The following HSP90AA1 variants were observed in gnomAD, a reference collection of about 807,000 sequenced individuals.
HSP90AA1 encodes heat shock protein HSP 90-alpha.
HSP90AA1 carries 18 observed loss-of-function variants against 73.3 expected under a neutral mutation model. The observed-to-expected ratio is 0.25, with a 90% CI of 0.17 to 0.36. The LOEUF is 0.36. Among genes scored for constraint, HSP90AA1 ranks in the 10% least tolerant of loss-of-function variants. HSP90AA1 has a pLI of 1.00. For synonymous variants in HSP90AA1, 477 were observed against 296.9 expected, an observed-to-expected ratio of 1.61 and a Z score of -6.24; for missense variants, 704 against 874.2, an observed-to-expected ratio of 0.81 and a Z score of 2.45.
At chr14:102,088,710 C>A (rs1013737076), upstream of HSP90AA1, among the ~76,000 whole-genome samples, 3 of 152,018 alleles carry the variant, frequency 2.0e-5, no homozygotes, top group African/African-American at 7.3e-5. Flanking sequence ...GAGCGGTGAG[C>A]GGGTCGCTGA....
At chr14:102,107,142 C>A (rs1460845781) in intron 1 of HSP90AA1, among the ~76,000 whole-genome samples, 1 of 151,938 alleles carries the variant, frequency 6.6e-6, no homozygotes, top group Non-Finnish European at 1.5e-5. Flanking sequence ...TTCAACTAAG[C>A]CTATGGCCAG....
Position 102,086,475 on chromosome 14 carries a change from G to A in HSP90AA1, c.1-97C>T, listed in dbSNP as rs1177725728. 30 of 1,392,766 alleles carry A rather than the reference G, an allele frequency of 2.2e-5. No individual in the cohort carries two copies. The Middle Eastern group carries it at 5.3e-4, about 24-fold the overall frequency. The allele number at this position is 1,392,766 out of a possible 1,614,324, so 86.3% of individuals were successfully genotyped here. A position where few individuals can be genotyped will look rare whatever the true frequency, so the allele number is the denominator to read the frequency against. ...CTCCAAATATTTTTAAAGCCGAATTGGAGATTTGCGAAGTTTAAGTAAACC... is the reference window on the plus strand; with the variant it reads ...CTCCAAATATTTTTAAAGCCGAATTAGAGATTTGCGAAGTTTAAGTAAACC... On this transcript the variant is annotated intron_variant, in intron 1 of 10. Coordinates refer to ENST00000216281, the MANE Select transcript of HSP90AA1 (RefSeq NM_005348.4).
At chr14:102,100,988 T>A (rs2049485659) in intron 2 of HSP90AA1, among the ~76,000 whole-genome samples, 1 of 152,170 alleles carries the variant, frequency 6.6e-6, no homozygotes, top group Non-Finnish European at 1.5e-5. Context: ...CTAGTCAGTA[T>A]TTTAGTACCT....
upstream of HSP90AA1, among the ~76,000 whole-genome samples, chr14:102,091,448 C>T (rs1342882979): frequency 6.6e-6 from 1 of 151,946 alleles, no homozygotes; most frequent in African/African-American, 2.4e-5. Context: ...CATGGTGAAA[C>T]CCCATCTCTA....
intron 1 of HSP90AA1, among the ~76,000 whole-genome samples, chr14:102,122,943 T>C (rs1188688922): frequency 1.3e-5 from 2 of 152,066 alleles, no homozygotes. Context: ...GCTGGGATTA[T>C]AGGCATGAGC....
intron 1 of HSP90AA1, among the ~76,000 whole-genome samples, chr14:102,129,148 T>C (rs1482892418): frequency 6.7e-6 from 1 of 149,186 alleles, no homozygotes; most frequent in East Asian, 2.0e-4. Flanking sequence ...TTTTTTTTTT[T>C]TTTTTTGAGA....
chr14:102,118,099 T>C (rs922760177), intron 1 of HSP90AA1, among the ~76,000 whole-genome samples: 1 of 152,156 alleles, frequency 6.6e-6, no homozygotes, highest in African/African-American at 2.4e-5. Context: ...CATGCCTGAC[T>C]TACAGACTCC....
At chr14:102,133,484 T>TA (rs2049934926) in intron 1 of HSP90AA1, among the ~76,000 whole-genome samples, 1 of 59,234 alleles carries the variant, frequency 1.7e-5, no homozygotes, top group Non-Finnish European at 3.8e-5. Flanking sequence ...TTAAACTAGT[T>TA]CTTTTTTTTT....
At chr14:102,101,298 T>A (rs999170655) in intron 2 of HSP90AA1, among the ~76,000 whole-genome samples, 1 of 152,252 alleles carries the variant, frequency 6.6e-6, no homozygotes, top group African/African-American at 2.4e-5. Context: ...TCTAAGGCAC[T>A]GAGTGTGACT....
rs940009092 is a variant in HSP90AA1, at chr14:102,080,884, T to C, written c.*828A>G. The stretch of plus-strand genomic sequence containing the variant: ...CATTCCTGTTTTCTGTGCCTACGTG[T>C]GCTCCACCCCACACCTGCTGAGTAC... On this transcript the variant is annotated 3_prime_UTR_variant, in exon 11 of 11. Transcript: ENST00000216281. 1 of 228,020 alleles carries C rather than the reference T, an allele frequency of 4.4e-6. No individual in the cohort carries two copies. Among genetic ancestry groups the C allele is most frequent in the African/African-American group, 2.2e-5 (1 of 45,048 alleles). The allele number at this position is 228,020 out of a possible 1,614,324, so 14.1% of individuals were successfully genotyped here. A position where few individuals can be genotyped will look rare whatever the true frequency, so the allele number is the denominator to read the frequency against.
At position 102,093,277 on chromosome 14, in the gene HSP90AA1, A is replaced by G. The variant is rs936378766; in HGVS notation, c.367-6899T>C. On this transcript the variant is annotated intron_variant, in intron 2 of 11. Transcript: ENST00000334701. ...TGTAATCCCAGCACTTTCGGAGGCC[A>G]AGGCGGGCGGATCACAAGGTCAAGA... 2.6e-5 allele frequency among the ~76,000 whole-genome samples: 4 copies of G among 150,950 alleles called. No individual in the cohort carries two copies. In the East Asian group the frequency reaches 7.7e-4, roughly 29 times the overall value.
At chr14:102,133,878 G>A (rs2049941933) in intron 1 of HSP90AA1, among the ~76,000 whole-genome samples, 1 of 152,148 alleles carries the variant, frequency 6.6e-6, no homozygotes, top group African/African-American at 2.4e-5. Flanking sequence ...ATGACAGCAG[G>A]TTGGGCATGG....
Position 102,083,534 on chromosome 14 carries a change from G to A in HSP90AA1, c.1486+12C>T, listed in dbSNP as rs771837498. 3.1e-6 allele frequency: 5 copies of A among 1,612,046 alleles called. No individual in the cohort carries two copies. The highest frequency in any genetic ancestry group is 1.7e-4 in the Middle Eastern group (1 of 5,908). On this transcript the variant is annotated intron_variant, in intron 8 of 10. Coordinates refer to ENST00000216281, the MANE Select transcript of HSP90AA1 (RefSeq NM_005348.4). ...GAACGACGTGTATGACTGTAACATA[G>A]TGTTCTCTTACCTGTGATATAATAG...
At chr14:102,087,629 T>A (rs1291216509), upstream of HSP90AA1, among the ~76,000 whole-genome samples, 1 of 152,194 alleles carries the variant, frequency 6.6e-6, no homozygotes, top group East Asian at 1.9e-4. Flanking sequence ...CGCGGGGCTC[T>A]GCCCTCTGGG....
Position 102,086,205 on chromosome 14 carries a change from T to A in HSP90AA1, c.162+12A>T, listed in dbSNP as rs370332082. 26 of 1,614,074 alleles carry A rather than the reference T, an allele frequency of 1.6e-5. No homozygotes were observed. The African/African-American group carries it at 3.1e-4, about 19-fold the overall frequency. ...AAACCAAAATCCGATTCTGGGTTAA[T>A]AAGTGACTTACATCTGATGAATTTG... On this transcript the variant is annotated intron_variant, in intron 2 of 10. Coordinates refer to ENST00000216281, the MANE Select transcript of HSP90AA1 (RefSeq NM_005348.4).
upstream of HSP90AA1, among the ~76,000 whole-genome samples, chr14:102,089,336 C>T (rs984079097): frequency 6.6e-6 from 1 of 152,178 alleles, no homozygotes; most frequent in Non-Finnish European, 1.5e-5. Context: ...CACTGTTTCC[C>T]GTCAGGCCCC....
At chr14:102,099,997 G>C (rs1388319318) in intron 2 of HSP90AA1, among the ~76,000 whole-genome samples, 1 of 152,076 alleles carries the variant, frequency 6.6e-6, no homozygotes, top group Non-Finnish European at 1.5e-5. Context: ...GACCAGCCTG[G>C]GTGATATAGG....
chr14:102,081,688 G>A lies in HSP90AA1; in HGVS notation c.*24C>T, dbSNP rs766242959. ...CAGAGGAATTGTAGAGTACTGAACA[G>A]GTAAGTCATCCCTCAGCCAGAGATT... On this transcript the variant is annotated 3_prime_UTR_variant, in exon 11 of 11. Coordinates refer to ENST00000216281, the MANE Select transcript of HSP90AA1 (RefSeq NM_005348.4). The A allele has an allele frequency of 9.6e-6, 9 of 934,432 alleles. No homozygotes were observed. Among genetic ancestry groups the A allele is most frequent in the Admixed American group, 8.4e-5 (5 of 59,178 alleles). The allele number at this position is 934,432 out of a possible 1,614,324, so 57.9% of individuals were successfully genotyped here. A position where few individuals can be genotyped will look rare whatever the true frequency, so the allele number is the denominator to read the frequency against.
At chr14:102,121,022 TACACAC>T (rs1196251138) in intron 1 of HSP90AA1, among the ~76,000 whole-genome samples, 1 of 145,188 alleles carries the variant, frequency 6.9e-6, no homozygotes, top group Non-Finnish European at 1.5e-5. Flanking sequence ...CACACACACA[TACACAC>T]ACACACACAC....
Sources: gnomAD v4.1 joint callset for allele counts (sites outside exome capture counted in the v4.1 genomes callset) on GRCh38, gnomAD v4.1.1 for gene constraint, MANE v1.5 for transcripts, NCBI Gene and HGNC (gene_info 2026-07-23, HGNC 2026-07-21) for gene names.